PHF24: variants seen among roughly 807,000 people sequenced by gnomAD.
The protein encoded by PHF24 is PHD finger protein 24, also known as Galpha inhibitory interacting protein.
In PHF24, 25 loss-of-function variants were observed where a neutral mutation model predicts 42.6. The ratio of observed to expected loss-of-function variants is 0.59; its 90% CI spans 0.43 to 0.82. The LOEUF (loss-of-function observed/expected upper bound fraction) is 0.82, where lower values mean the gene tolerates loss of function less well. Among genes scored for constraint, PHF24 ranks in the 40% least tolerant of loss-of-function variants. The pLI is 0.00. For missense variants in PHF24, 470 were observed against 538.1 expected, an observed-to-expected ratio of 0.87 and a Z score of 1.25; for synonymous variants, 185 against 204.8, an observed-to-expected ratio of 0.90 and a Z score of 0.83.
chr9:34,786,730 C>T, the PHF24 span, among the ~76,000 whole-genome samples: 1 of 152,182 alleles, frequency 6.6e-6, no homozygotes, highest in Non-Finnish European at 1.5e-5. Flanking sequence ...TTTAATTTCT[C>T]AGTGTCTGGG....
the PHF24 span, among the ~76,000 whole-genome samples, chr9:34,856,892 G>A: frequency 1.3e-5 from 2 of 152,230 alleles, no homozygotes; most frequent in African/African-American, 4.8e-5. Flanking sequence ...GACAGTGGCT[G>A]CCCCTCCCGA....
At chr9:34,839,080 G>T in the PHF24 span, among the ~76,000 whole-genome samples, 1 of 152,184 alleles carries the variant, frequency 6.6e-6, no homozygotes, top group African/African-American at 2.4e-5. Flanking sequence ...CAAGGTGGCC[G>T]TATCTATCCA....
the PHF24 span, among the ~76,000 whole-genome samples, chr9:34,850,410 T>C: frequency 6.6e-6 from 1 of 152,254 alleles, no homozygotes; most frequent in Admixed American, 6.5e-5. Context: ...CTGAGGCTTC[T>C]GCATTCTTCA....
the PHF24 span, among the ~76,000 whole-genome samples, chr9:34,933,286 A>G: frequency 1.2e-4 from 19 of 152,364 alleles, no homozygotes; most frequent in Non-Finnish European, 2.5e-4. Flanking sequence ...CAATGAGAAT[A>G]TATTACACAG....
chr9:34,921,169 A>AC, the PHF24 span, among the ~76,000 whole-genome samples: 2 of 144,752 alleles, frequency 1.4e-5, no homozygotes, highest in Non-Finnish European at 1.5e-5. Context: ...TCTCATCTAT[A>AC]CCCAGTTGTT....
chr9:34,911,822 T>TTATCTAA, the PHF24 span, among the ~76,000 whole-genome samples: 1 of 152,134 alleles, frequency 6.6e-6, no homozygotes, highest in South Asian at 2.1e-4. Flanking sequence ...CTAAGAACTC[T>TTATCTAA]GAGAAGTAGA....
the PHF24 span, among the ~76,000 whole-genome samples, chr9:34,885,197 T>G: frequency 6.6e-6 from 1 of 152,228 alleles, no homozygotes; most frequent in Non-Finnish European, 1.5e-5. Flanking sequence ...GGCCTAGACC[T>G]TGTGACTTCA....
chr9:34,912,767 C>T, the PHF24 span, among the ~76,000 whole-genome samples: 2 of 152,082 alleles, frequency 1.3e-5, no homozygotes, highest in Non-Finnish European at 1.5e-5. Context: ...TAAATAGGCC[C>T]GGAGTCTCAC....
At chr9:34,790,019 A>AT in the PHF24 span, among the ~76,000 whole-genome samples, 12 of 151,020 alleles carry the variant, frequency 7.9e-5, no homozygotes, top group African/African-American at 2.7e-4. Flanking sequence ...GCTAATTTTA[A>AT]TTTTTTTTTG....
the PHF24 span, among the ~76,000 whole-genome samples, chr9:34,694,557 T>C: frequency 3.3e-5 from 5 of 152,156 alleles, no homozygotes; most frequent in South Asian, 4.1e-4. Context: ...GGTCTTGAAC[T>C]CCTGACCTCA....
chr9:34,894,347 C>A, the PHF24 span: 4 of 397,650 alleles, frequency 1.0e-5, no homozygotes, highest in African/African-American at 8.2e-5. Context: ...CCCTCCCATC[C>A]ATTTTCCCTC....
chr9:34,905,899 T>C, the PHF24 span, among the ~76,000 whole-genome samples: 1 of 152,244 alleles, frequency 6.6e-6, no homozygotes, highest in African/African-American at 2.4e-5. Flanking sequence ...CTCATGGGAA[T>C]GTTTTTCTGT....
At chr9:34,977,018 A>G (rs989417444) in intron 5 of PHF24, 65 bp from the exon 6 acceptor site, 1 of 1,504,088 alleles carries the variant, frequency 6.6e-7, no homozygotes, top group Non-Finnish European at 8.9e-7. Flanking sequence ...TGGAGATAGG[A>G]TTCTCTATGG....
the PHF24 span, among the ~76,000 whole-genome samples, chr9:34,821,027 G>T: frequency 6.6e-6 from 1 of 152,216 alleles, no homozygotes; most frequent in Admixed American, 6.6e-5. Context: ...ACACTCGTAT[G>T]TCTTCTTTTG....
At chr9:34,874,770 C>A in the PHF24 span, among the ~76,000 whole-genome samples, 1 of 152,098 alleles carries the variant, frequency 6.6e-6, no homozygotes, top group Non-Finnish European at 1.5e-5. Context: ...TTTCACTAGA[C>A]CTTTCAATCA....
At chr9:34,797,479 T>C in the PHF24 span, among the ~76,000 whole-genome samples, 6 of 152,058 alleles carry the variant, frequency 3.9e-5, no homozygotes, top group African/African-American at 1.4e-4. Flanking sequence ...CAGAAGGGAA[T>C]GGATTGGGAA....
chr9:34,812,381 G>A, the PHF24 span, among the ~76,000 whole-genome samples: 6 of 152,194 alleles, frequency 3.9e-5, no homozygotes, highest in Non-Finnish European at 7.3e-5. Context: ...AAAACATTTC[G>A]TGGTTCTTCA....
chr9:34,820,341 A>T, the PHF24 span, among the ~76,000 whole-genome samples: 1 of 152,048 alleles, frequency 6.6e-6, no homozygotes, highest in Non-Finnish European at 1.5e-5. Context: ...CCCAGGTAAT[A>T]AACGTAGTAC....
chr9:34,728,004 C>A, the PHF24 span: 2 of 1,550,728 alleles, frequency 1.3e-6, no homozygotes, highest in Non-Finnish European at 1.7e-6. Flanking sequence ...TGATAGAGTG[C>A]AAAGAGCAAT....
Sources: allele counts gnomAD v4.1 joint callset (sites outside exome capture counted in the v4.1 genomes callset), GRCh38; gene constraint gnomAD v4.1.1; transcripts MANE v1.5; gene names NCBI Gene and HGNC (gene_info 2026-07-23, HGNC 2026-07-21).